The following CDC42SE2 variants were observed in gnomAD, a reference collection of about 807,000 sequenced individuals.
CDC42SE2 encodes the protein CDC42 small effector 2.
CDC42SE2 carries 3 observed loss-of-function variants against 11.5 expected under a neutral mutation model. The ratio of observed to expected loss-of-function variants is 0.26; its 90% CI spans 0.12 to 0.67. The LOEUF is 0.67. Ranked by LOEUF, CDC42SE2 falls within the 30% of genes least tolerant of loss-of-function variation. CDC42SE2 has a pLI of 0.80. For synonymous variants in CDC42SE2, 33 were observed against 34.8 expected (o/e 0.95, Z 0.18); for missense variants, 82 against 106.8 (o/e 0.77, Z 1.02).
At chr5:131,214,834 C>T in the CDC42SE2 span, among the ~76,000 whole-genome samples, 35 of 152,320 alleles carry the variant, frequency 2.3e-4, no homozygotes, top group African/African-American at 7.5e-4. Flanking sequence ...TAGAAAGAGC[C>T]ATAGCTGTCA....
chr5:131,316,367 T>C (rs990047780), intron 2 of CDC42SE2, among the ~76,000 whole-genome samples: 1 of 152,238 alleles, frequency 6.6e-6, no homozygotes, highest in African/African-American at 2.4e-5. Context: ...TTCCTTTGCC[T>C]AGGCATTTTT....
chr5:131,369,887 A>G lies in CDC42SE2; in HGVS notation c.54+10340A>G, dbSNP rs146342903. Among the ~76,000 whole-genome samples, 231 of 152,344 alleles carry G rather than the reference A, an allele frequency of 1.5e-3. 1 individual carries two copies. Among genetic ancestry groups the G allele is most frequent in the Non-Finnish European group, 1.9e-3 (131 of 68,024 alleles). On this transcript the variant is annotated intron_variant, in intron 3 of 4. Transcript: ENST00000505065. ...CAGATTAAAGTGACTTTATAAGACA[A>G]CATCTTTGTTTTTATGTTTAATTTC...
intron 2 of CDC42SE2, among the ~76,000 whole-genome samples, chr5:131,348,544 A>G (rs959466254): frequency 6.6e-6 from 1 of 152,196 alleles, no homozygotes. Flanking sequence ...AGGAATCAAT[A>G]TCATGAAAAT....
intron 3 of CDC42SE2, among the ~76,000 whole-genome samples, chr5:131,375,409 T>G (rs1211934189): frequency 1.3e-5 from 2 of 152,214 alleles, no homozygotes; most frequent in African/African-American, 4.8e-5. Context: ...CACCTATTTA[T>G]TTATGAATAT....
chr5:131,390,850 T>G (rs1750629451), intron 4 of CDC42SE2, 143 bp from the exon 5 acceptor site: 1 of 427,260 alleles, frequency 2.3e-6, no homozygotes, highest in Non-Finnish European at 4.3e-6. Flanking sequence ...GAAAATTGTT[T>G]GTCTATAAAA....
chr5:131,291,143 G>T (rs927826548), intron 1 of CDC42SE2, among the ~76,000 whole-genome samples: 2 of 152,074 alleles, frequency 1.3e-5, no homozygotes, highest in Non-Finnish European at 2.9e-5. Flanking sequence ...ATGCTATTTG[G>T]TTAGCCATGT....
rs565795228 is a variant in CDC42SE2 at position 131,269,653 on chromosome 5, A to G, written c.-455+5487A>G. On this transcript the variant is annotated intron_variant, in intron 1 of 4. Transcript: ENST00000505065. Reference sequence around the variant, plus strand: ...GTGGCACATGCCTGTAATCCCAGCTACTTGGGAGGCTGAGGCAGGAGAATC... The same window carrying G: ...GTGGCACATGCCTGTAATCCCAGCTGCTTGGGAGGCTGAGGCAGGAGAATC... Among the ~76,000 whole-genome samples, 8 of 151,954 alleles carry G rather than the reference A, an allele frequency of 5.3e-5. No individual in the cohort carries two copies. In the East Asian group the frequency reaches 1.4e-3, roughly 26 times the overall value.
At chr5:131,377,264 G>A (rs951301617) in intron 3 of CDC42SE2, among the ~76,000 whole-genome samples, 1 of 151,548 alleles carries the variant, frequency 6.6e-6, no homozygotes, top group Non-Finnish European at 1.5e-5. Flanking sequence ...TGCCTCCCGG[G>A]TTCAAACGAT....
rs1757811955 is a variant in CDC42SE2 at position 131,307,834 on chromosome 5, T to C, written c.-454-8142T>C. Among the ~76,000 whole-genome samples, 7 of 152,372 alleles carry C rather than the reference T, an allele frequency of 4.6e-5. No individual in the cohort carries two copies. The South Asian group carries it at 1.4e-3, about 32-fold the overall frequency. On this transcript the variant is annotated intron_variant, in intron 1 of 4. Transcript: ENST00000505065. The stretch of plus-strand genomic sequence containing the variant: ...GATGGCCAGTGATGATGAGCATTTT[T>C]TCATGTGTCTTTTGGCTGCATGAAT...
chr5:131,213,203 A>G, the CDC42SE2 span, among the ~76,000 whole-genome samples: 2 of 152,270 alleles, frequency 1.3e-5, no homozygotes, highest in South Asian at 4.1e-4. Context: ...TCAAAAAAAT[A>G]TAATAATAAT....
At chr5:131,294,046 C>G (rs1471354109) in intron 1 of CDC42SE2, among the ~76,000 whole-genome samples, 2 of 152,270 alleles carry the variant, frequency 1.3e-5, no homozygotes, top group East Asian at 3.9e-4. Context: ...AAATGTACAG[C>G]TGGTAGAAGA....
At chr5:131,344,115 G>A (rs376872585) in intron 2 of CDC42SE2, among the ~76,000 whole-genome samples, 2 of 152,154 alleles carry the variant, frequency 1.3e-5, no homozygotes, top group East Asian at 3.9e-4. Context: ...CAGAAGAAGG[G>A]TGATTTCTGC....
chr5:131,325,696 C>A (rs1053991285), intron 2 of CDC42SE2, among the ~76,000 whole-genome samples: 3 of 152,128 alleles, frequency 2.0e-5, no homozygotes, highest in Non-Finnish European at 4.4e-5. Flanking sequence ...ACTGAGGTCC[C>A]ATCTCATGTT....
intron 2 of CDC42SE2, among the ~76,000 whole-genome samples, chr5:131,355,900 T>TAAAAAGGA (rs1294467516): frequency 6.6e-6 from 1 of 152,066 alleles, no homozygotes; most frequent in Non-Finnish European, 1.5e-5. Context: ...TTGATTTAGG[T>TAAAAAGGA]GGCAAAAAGG....
chr5:131,267,254 C>T (rs533410771), intron 1 of CDC42SE2, among the ~76,000 whole-genome samples: 5 of 151,838 alleles, frequency 3.3e-5, no homozygotes, highest in African/African-American at 1.2e-4. Context: ...AGGGTTTCAC[C>T]GTGTTGGCCA....
At chr5:131,267,400 G>A (rs918471354) in intron 1 of CDC42SE2, among the ~76,000 whole-genome samples, 6 of 151,926 alleles carry the variant, frequency 3.9e-5, no homozygotes, top group African/African-American at 1.5e-4. Context: ...TGTTTTCAAA[G>A]TATTGTTCCT....
chr5:131,391,061 G>C lies in CDC42SE2; in HGVS notation c.225G>C (p.Gln75His). The C allele has an allele frequency of 6.2e-7, 1 of 1,613,136 alleles. No individual in the cohort carries two copies. The highest frequency in any genetic ancestry group is 2.2e-5 in the East Asian group (1 of 44,816). The stretch of plus-strand genomic sequence containing the variant: ...GAGGTGGAATGCCTGCCAATGTCCA[G>C]ATGCAGCTCGTGGATACGAAGGCGG... ...GYGGGMPANV[Q>H]MQLVDTKAG Residue 75 changes from glutamine (Q) to histidine (H), a missense_variant, in exon 5 of 5, where the codon CAG becomes CAC. Gln to His is a conservative substitution (Grantham distance 24). Coordinates refer to ENST00000505065, the MANE Select transcript of CDC42SE2 (RefSeq NM_001375635.1).
At chr5:131,349,228 A>G (rs181944221) in intron 2 of CDC42SE2, among the ~76,000 whole-genome samples, 2 of 151,844 alleles carry the variant, frequency 1.3e-5, no homozygotes, top group Non-Finnish European at 2.9e-5. Flanking sequence ...ATCATTCTGA[A>G]CAAACTATCG....
At chr5:131,259,743 A>T (rs921171317), upstream of CDC42SE2, among the ~76,000 whole-genome samples, 1 of 152,256 alleles carries the variant, frequency 6.6e-6, no homozygotes, top group Non-Finnish European at 1.5e-5. Context: ...ATTCCTGATA[A>T]ATCAGGAAAT....
Sources: allele counts gnomAD v4.1 joint callset (sites outside exome capture counted in the v4.1 genomes callset), GRCh38; gene constraint gnomAD v4.1.1; transcripts MANE v1.5; gene names NCBI Gene and HGNC (gene_info 2026-07-23, HGNC 2026-07-21).